LRRC37A2: variants seen among roughly 807,000 people sequenced by gnomAD.
LRRC37A2 encodes leucine-rich repeat-containing protein 37A2.
LRRC37A2 carries 9 observed loss-of-function variants against 68.8 expected under a neutral mutation model. That is an observed-to-expected ratio of 0.13 (90% CI 0.08 to 0.23). The LOEUF is 0.23. Ranked by LOEUF, LRRC37A2 falls within the 10% of genes least tolerant of loss-of-function variation. The pLI, the probability that LRRC37A2 is intolerant of heterozygous loss-of-function variation, is 1.00. For missense variants in LRRC37A2, 168 were observed against 950.4 expected, an observed-to-expected ratio of 0.18 and a Z score of 10.82; for synonymous variants, 63 against 367.6, an observed-to-expected ratio of 0.17 and a Z score of 9.48.
At chr17:46,499,221 C>T in the LRRC37A2 span, among the ~76,000 whole-genome samples, 4 of 133,502 alleles carry the variant, frequency 3.0e-5, no homozygotes, top group South Asian at 2.3e-4. Context: ...GTGAGGCAGG[C>T]GAGTGGCTTG....
At chr17:46,973,273 T>A in the LRRC37A2 span, among the ~76,000 whole-genome samples, 1 of 151,896 alleles carries the variant, frequency 6.6e-6, no homozygotes, top group African/African-American at 2.4e-5. Context: ...CAATCTCATA[T>A]GACAGCTGGC....
At chr17:47,012,610 T>G in the LRRC37A2 span, among the ~76,000 whole-genome samples, 2 of 152,082 alleles carry the variant, frequency 1.3e-5, no homozygotes, top group Non-Finnish European at 2.9e-5. Context: ...CAATGGCCAA[T>G]AAGCACATGA....
At chr17:46,756,731 A>G in the LRRC37A2 span, 1 of 152,606 alleles carries the variant, frequency 6.6e-6, no homozygotes, top group South Asian at 2.1e-4. Flanking sequence ...CTTACTTAGA[A>G]TTTATCCTTT....
At chr17:46,876,708 G>T in the LRRC37A2 span, 1 of 1,550,790 alleles carries the variant, frequency 6.4e-7, no homozygotes, top group Non-Finnish European at 8.7e-7. Flanking sequence ...GTGTACACCT[G>T]CAAGCACTAG....
At chr17:46,978,527 C>T in the LRRC37A2 span, 3 of 1,316,024 alleles carry the variant, frequency 2.3e-6, no homozygotes, top group Non-Finnish European at 3.0e-6. Context: ...CGCCCGGGCG[C>T]CCCAGGCACG....
At chr17:46,891,864 A>G in the LRRC37A2 span, among the ~76,000 whole-genome samples, 1 of 150,380 alleles carries the variant, frequency 6.6e-6, no homozygotes, top group African/African-American at 2.4e-5. Flanking sequence ...GGCAGTCCTT[A>G]GAGTTTCCAA....
chr17:46,401,453 GAACAGGGGTT>G, the LRRC37A2 span, among the ~76,000 whole-genome samples: 1 of 133,374 alleles, frequency 7.5e-6, no homozygotes, highest in South Asian at 2.8e-4. Flanking sequence ...TCCAGGGATG[GAACAGGGGTT>G]AGTGGCGGAG....
chr17:46,772,176 C>T, the LRRC37A2 span, among the ~76,000 whole-genome samples: 1 of 152,158 alleles, frequency 6.6e-6, no homozygotes, highest in Non-Finnish European at 1.5e-5. Flanking sequence ...GACCGGGGCG[C>T]GTATGCGCTC....
At chr17:46,833,188 C>A in the LRRC37A2 span, 1 of 389,068 alleles carries the variant, frequency 2.6e-6, no homozygotes, top group Admixed American at 2.9e-5. Context: ...GTGCTCTCAG[C>A]ACAGAGGACG....
the LRRC37A2 span, among the ~76,000 whole-genome samples, chr17:46,753,137 A>G: frequency 6.6e-6 from 1 of 152,214 alleles, no homozygotes; most frequent in Non-Finnish European, 1.5e-5. Flanking sequence ...GAGTGGCTGT[A>G]TTCTAGGCAT....
chr17:46,783,122 C>A, the LRRC37A2 span, among the ~76,000 whole-genome samples: 1 of 152,206 alleles, frequency 6.6e-6, no homozygotes, highest in East Asian at 1.9e-4. Flanking sequence ...GCATCTCCAG[C>A]AGGGGTGGGA....
At chr17:46,846,119 C>A in the LRRC37A2 span, among the ~76,000 whole-genome samples, 1 of 152,254 alleles carries the variant, frequency 6.6e-6, no homozygotes, top group East Asian at 1.9e-4. Flanking sequence ...AGTTCTCCTC[C>A]AGGTCACTAC....
chr17:46,897,641 ATT>A, the LRRC37A2 span, among the ~76,000 whole-genome samples: 1 of 151,210 alleles, frequency 6.6e-6, no homozygotes, highest in Non-Finnish European at 1.5e-5. Context: ...TTTTTATTTT[ATT>A]TTTTGTTTTT....
At chr17:46,766,556 C>T in the LRRC37A2 span, among the ~76,000 whole-genome samples, 2 of 152,148 alleles carry the variant, frequency 1.3e-5, no homozygotes, top group Admixed American at 1.3e-4. Flanking sequence ...TGCTTTTGTT[C>T]AGATACCGAC....
At chr17:46,757,198 CTTT>C in the LRRC37A2 span, 1 of 152,186 alleles carries the variant, frequency 6.6e-6, no homozygotes, top group East Asian at 1.9e-4. Context: ...GTCATATCTT[CTTT>C]GTTTTGGGTT....
the LRRC37A2 span, among the ~76,000 whole-genome samples, chr17:47,029,146 C>A: frequency 1.3e-5 from 2 of 152,128 alleles, no homozygotes; most frequent in Middle Eastern, 3.4e-3. Flanking sequence ...CCACTACACT[C>A]CAACCTCCCC....
the LRRC37A2 span, chr17:46,923,541 G>T: frequency 2.3e-6 from 3 of 1,327,062 alleles, no homozygotes; most frequent in Non-Finnish European, 2.9e-6. Flanking sequence ...TTGTCAACTC[G>T]GTGCTCCTGG....
chr17:46,867,528 C>T, the LRRC37A2 span, among the ~76,000 whole-genome samples: 1 of 152,226 alleles, frequency 6.6e-6, no homozygotes, highest in Non-Finnish European at 1.5e-5. Context: ...GATCCTTGGG[C>T]CCCACTCTCC....
the LRRC37A2 span, among the ~76,000 whole-genome samples, chr17:46,859,256 G>A: frequency 1.3e-5 from 2 of 152,202 alleles, no homozygotes; most frequent in African/African-American, 4.8e-5. Context: ...CATTACAGGC[G>A]TGAGCCACCA....
Sources: allele counts gnomAD v4.1 joint callset (sites outside exome capture counted in the v4.1 genomes callset), GRCh38; gene constraint gnomAD v4.1.1; transcripts MANE v1.5; gene names NCBI Gene and HGNC (gene_info 2026-07-23, HGNC 2026-07-21).